The following SAMMSON variants were observed in gnomAD, a reference collection of about 807,000 sequenced individuals.
The protein encoded by SAMMSON is long intergenic non-protein coding RNA 1212.
chr3:70,400,248 A>T (rs756290152), intron 2 of SAMMSON, among the ~76,000 whole-genome samples: 28 of 152,146 alleles, frequency 1.8e-4, no homozygotes, highest in Admixed American at 1.3e-4. Context: ...AACAAAATTG[A>T]TGTTGAATTT....
chr3:70,413,585 C>T (rs1230846678), intron 2 of SAMMSON, among the ~76,000 whole-genome samples: 2 of 151,982 alleles, frequency 1.3e-5, no homozygotes, highest in Non-Finnish European at 2.9e-5. Context: ...GCTGGAATTC[C>T]CCCAAGAGGG....
chr3:70,416,094 C>T (rs987285862), intron 2 of SAMMSON, among the ~76,000 whole-genome samples: 4 of 152,144 alleles, frequency 2.6e-5, no homozygotes, highest in Admixed American at 6.5e-5. Context: ...TTTGTAGCTA[C>T]TGTAGCTTCC....
intron 4 of SAMMSON, among the ~76,000 whole-genome samples, chr3:70,236,949 G>C (rs1701615985): frequency 6.6e-6 from 1 of 152,228 alleles, no homozygotes; most frequent in East Asian, 1.9e-4. Context: ...GTCACATGTA[G>C]GTAAGTTTCT....
At chr3:70,032,501 G>T (rs1325871944) in intron 3 of SAMMSON, among the ~76,000 whole-genome samples, 6 of 152,120 alleles carry the variant, frequency 3.9e-5, no homozygotes, top group Admixed American at 1.3e-4. Context: ...ACAAAGGCTG[G>T]GAAGAAAACA....
chr3:70,314,500 G>A (rs1702481780), intron 7 of SAMMSON, among the ~76,000 whole-genome samples: 1 of 152,056 alleles, frequency 6.6e-6, no homozygotes, highest in Non-Finnish European at 1.5e-5. Context: ...AGTGGGGCCA[G>A]AAAGACATTT....
At chr3:70,398,883 T>C (rs1298457878) in intron 2 of SAMMSON, among the ~76,000 whole-genome samples, 1 of 152,198 alleles carries the variant, frequency 6.6e-6, no homozygotes, top group Non-Finnish European at 1.5e-5. Flanking sequence ...TGACAAAATG[T>C]GGTTTTATAT....
intron 2 of SAMMSON, among the ~76,000 whole-genome samples, chr3:70,401,171 T>C (rs1447755737): frequency 6.6e-6 from 1 of 152,196 alleles, no homozygotes; most frequent in Non-Finnish European, 1.5e-5. Flanking sequence ...TTTTTTCTCA[T>C]GGACAAAGGT....
intron 4 of SAMMSON, chr3:70,084,802 T>G (rs1284797498): frequency 2.0e-5 from 3 of 152,230 alleles, no homozygotes; most frequent in Non-Finnish European, 2.9e-5. Context: ...ATGAATTACT[T>G]TGTTTAATTT....
intron 2 of SAMMSON, among the ~76,000 whole-genome samples, chr3:70,421,255 C>T (rs777705853): frequency 1.3e-5 from 2 of 152,096 alleles, no homozygotes; most frequent in Non-Finnish European, 2.9e-5. Context: ...AAACAAAAAG[C>T]TGCATATGCT....
chr3:70,362,191 A>T (rs931948410), intron 9 of SAMMSON, among the ~76,000 whole-genome samples: 5 of 152,166 alleles, frequency 3.3e-5, no homozygotes, highest in African/African-American at 1.2e-4. Flanking sequence ...CTCGGATGAT[A>T]AGTGGTGGTT....
intron 7 of SAMMSON, among the ~76,000 whole-genome samples, chr3:70,316,825 C>T (rs1444176675): frequency 6.6e-6 from 1 of 152,050 alleles, no homozygotes; most frequent in East Asian, 1.9e-4. Context: ...AAATAACACT[C>T]AGTGTTACAA....
At chr3:70,065,700 G>A (rs1190683304) in intron 3 of SAMMSON, among the ~76,000 whole-genome samples, 2 of 151,942 alleles carry the variant, frequency 1.3e-5, no homozygotes, top group Non-Finnish European at 2.9e-5. Flanking sequence ...TTTGCATCTC[G>A]TGGGTAGAAG....
intron 9 of SAMMSON, among the ~76,000 whole-genome samples, chr3:70,386,820 G>C (rs978606007): frequency 6.6e-6 from 1 of 151,960 alleles, no homozygotes; most frequent in Non-Finnish European, 1.5e-5. Context: ...GTCCAAACGA[G>C]TTTTACATTT....
intron 4 of SAMMSON, among the ~76,000 whole-genome samples, chr3:70,244,439 T>C (rs903483059): frequency 2.0e-5 from 3 of 152,188 alleles, no homozygotes; most frequent in Non-Finnish European, 4.4e-5. Flanking sequence ...TAAAATAACA[T>C]GTAAAGGAAC....
chr3:70,302,724 T>C (rs936564673), intron 7 of SAMMSON: 4 of 152,208 alleles, frequency 2.6e-5, no homozygotes, highest in African/African-American at 7.2e-5. Context: ...TGTACTGCCT[T>C]ATCATCATTG....
chr3:70,174,640 A>AT (rs1443851626), intron 4 of SAMMSON, among the ~76,000 whole-genome samples: 1 of 152,150 alleles, frequency 6.6e-6, no homozygotes, highest in Admixed American at 6.6e-5. Context: ...TAGCATATCT[A>AT]TTTTTCTACA....
intron 6 of SAMMSON, chr3:70,271,951 C>A (rs1396644048): frequency 1.3e-5 from 2 of 152,180 alleles, no homozygotes; most frequent in African/African-American, 4.8e-5. Flanking sequence ...TTTGTAGAGA[C>A]AACGTTTCAT....
In SAMMSON at chr3:70,054,130, T is replaced by C. The variant is rs191455878; in HGVS notation, n.418-17346T>C. On this transcript the variant is annotated intron_variant and non_coding_transcript_variant, in intron 3 of 9. Transcript: ENST00000642114. ...CTGCAAAGTAGTCAACATATAGATA[T>C]AGGTGAGTGTAAGAAATCTTGCTTT... Among the ~76,000 whole-genome samples the C allele has an allele frequency of 1.1e-3, 174 of 152,270 alleles. 1 individual carries two copies. The highest frequency in any genetic ancestry group is 2.0e-3 in the Non-Finnish European group (133 of 67,988).
At chr3:70,185,226 C>A (rs891498629) in intron 4 of SAMMSON, among the ~76,000 whole-genome samples, 4 of 152,172 alleles carry the variant, frequency 2.6e-5, no homozygotes, top group Non-Finnish European at 4.4e-5. Context: ...AAAGCCTTAA[C>A]TGGATTTGCC....
Sources: allele counts gnomAD v4.1 joint callset (sites outside exome capture counted in the v4.1 genomes callset), GRCh38; gene constraint gnomAD v4.1.1; transcripts MANE v1.5; gene names NCBI Gene and HGNC (gene_info 2026-07-23, HGNC 2026-07-21).